ZNF804B: variants seen among roughly 807,000 people sequenced by gnomAD.
ZNF804B encodes zinc finger protein 804B.
Under a neutral mutation model 101.4 loss-of-function variants are expected in ZNF804B, and 80 were observed. That is an observed-to-expected ratio of 0.79 (90% CI 0.66 to 0.95). The LOEUF (loss-of-function observed/expected upper bound fraction) is 0.95. Ranked by LOEUF, ZNF804B falls within the 40% of genes least tolerant of loss-of-function variation. ZNF804B has a pLI of 0.00. For synonymous variants in ZNF804B, 622 were observed against 558.8 expected, an observed-to-expected ratio of 1.11 and a Z score of -1.59; for missense variants, 1,673 against 1,561.9, an observed-to-expected ratio of 1.07 and a Z score of -1.20.
chr7:89,299,433 G>A (rs1392349830), intron 2 of ZNF804B, among the ~76,000 whole-genome samples: 2 of 151,964 alleles, frequency 1.3e-5, no homozygotes, highest in African/African-American at 2.4e-5. Flanking sequence ...TTCTATTGAT[G>A]TTTATAATGA....
chr7:89,004,624 T>G (rs934714880), intron 1 of ZNF804B, among the ~76,000 whole-genome samples: 2 of 151,864 alleles, frequency 1.3e-5, no homozygotes, highest in African/African-American at 4.8e-5. Flanking sequence ...AATTTTTGCT[T>G]CTTTATGCAG....
At chr7:89,112,145 T>C (rs1042948960) in intron 1 of ZNF804B, among the ~76,000 whole-genome samples, 3 of 151,660 alleles carry the variant, frequency 2.0e-5, no homozygotes, top group African/African-American at 7.3e-5. Context: ...AACACTTTTA[T>C]GTCATATACA....
At chr7:89,216,450 A>G (rs753847153) in intron 1 of ZNF804B, among the ~76,000 whole-genome samples, 1 of 152,124 alleles carries the variant, frequency 6.6e-6, no homozygotes, top group Non-Finnish European at 1.5e-5. Flanking sequence ...TCAGCTGGCA[A>G]TTTTCCTAGT....
intron 2 of ZNF804B, 134 bp downstream of exon 2, chr7:89,218,429 A>G (rs1788930306): frequency 1.8e-6 from 2 of 1,100,292 alleles, no homozygotes; most frequent in South Asian, 1.6e-5. Flanking sequence ...TCCCCCCTGG[A>G]AAGGTTGTGT....
intron 1 of ZNF804B, among the ~76,000 whole-genome samples, chr7:89,011,323 G>T (rs768051549): frequency 1.2e-4 from 19 of 152,134 alleles, no homozygotes; most frequent in Non-Finnish European, 1.8e-4. Context: ...GGGACACAGA[G>T]CCAAACCATA....
intron 2 of ZNF804B, among the ~76,000 whole-genome samples, chr7:89,252,500 A>T (rs1195463550): frequency 3.3e-5 from 5 of 152,306 alleles, no homozygotes; most frequent in African/African-American, 1.2e-4. Context: ...TTAAAACAGG[A>T]CTACCATTTG....
intron 1 of ZNF804B, among the ~76,000 whole-genome samples, chr7:88,931,823 T>A (rs867724558): frequency 6.6e-5 from 10 of 151,970 alleles, no homozygotes; most frequent in South Asian, 2.1e-4. Flanking sequence ...ATGTTTTTTT[T>A]AAAAAACTTC....
intron 2 of ZNF804B, among the ~76,000 whole-genome samples, chr7:89,320,076 A>G (rs976100568): frequency 2.0e-5 from 3 of 152,140 alleles, no homozygotes; most frequent in Admixed American, 6.5e-5. Context: ...GAGGGATAGC[A>G]TTAGGGGAAA....
intron 2 of ZNF804B, among the ~76,000 whole-genome samples, chr7:89,278,207 T>A (rs1463908272): frequency 7.0e-6 from 1 of 143,296 alleles, no homozygotes; most frequent in Non-Finnish European, 1.6e-5. Flanking sequence ...GTTTGTTTTT[T>A]TCTTGTAAAT....
chr7:89,046,032 G>T lies in ZNF804B; in HGVS notation c.109-172123G>T, dbSNP rs528601057. 5.3e-5 allele frequency among the ~76,000 whole-genome samples: 8 copies of T among 152,190 alleles called. No homozygotes were observed. In the South Asian group the frequency reaches 1.7e-3, roughly 32 times the overall value. Reference sequence around the variant, plus strand: ...TTTCATGGGATGGACCCCATGGGAGGTAATTGAATCATGGAGACGTTACCC... The same window carrying T: ...TTTCATGGGATGGACCCCATGGGAGTTAATTGAATCATGGAGACGTTACCC... On this transcript the variant is annotated intron_variant, in intron 1 of 3. Transcript: ENST00000333190.
At chr7:88,877,007 A>AAAAT (rs1487886166) in intron 1 of ZNF804B, among the ~76,000 whole-genome samples, 3 of 75,216 alleles carry the variant, frequency 4.0e-5, no homozygotes, top group South Asian at 3.9e-4. Context: ...TGAAAAAAAA[A>AAAAT]ATATATATAT....
At chr7:88,957,601 AT>A (rs1308356312) in intron 1 of ZNF804B, among the ~76,000 whole-genome samples, 3 of 151,382 alleles carry the variant, frequency 2.0e-5, no homozygotes, top group African/African-American at 7.3e-5. Flanking sequence ...ATGAAAGAAG[AT>A]TGTGACTGAA....
At chr7:89,019,028 G>C (rs1236004667) in intron 1 of ZNF804B, among the ~76,000 whole-genome samples, 3 of 151,790 alleles carry the variant, frequency 2.0e-5, no homozygotes, top group African/African-American at 7.3e-5. Context: ...CCAGTTTTCG[G>C]TTTGCTTTAT....
chr7:88,769,949 A>T lies in ZNF804B; in HGVS notation c.108+9865A>T, dbSNP rs184700561. Among the ~76,000 whole-genome samples, 80 of 152,304 alleles carry T rather than the reference A, an allele frequency of 5.3e-4. 2 individuals carry two copies. The East Asian group carries it at 0.015, about 29-fold the overall frequency. On this transcript the variant is annotated intron_variant, in intron 1 of 3. Coordinates refer to ENST00000333190, the MANE Select transcript of ZNF804B (RefSeq NM_181646.5). ...TAAAATATTTAGTCATCTAGGGTAG[A>T]CATACAGAAAGAAAGTAATACTCTT...
intron 1 of ZNF804B, among the ~76,000 whole-genome samples, chr7:89,014,726 T>C (rs1409002016): frequency 6.6e-6 from 1 of 152,228 alleles, no homozygotes; most frequent in Non-Finnish European, 1.5e-5. Flanking sequence ...GTTGAGATGT[T>C]TGATATCCTT....
chr7:89,029,947 T>G (rs1392301194), intron 1 of ZNF804B, among the ~76,000 whole-genome samples: 1 of 152,194 alleles, frequency 6.6e-6, no homozygotes, highest in Non-Finnish European at 1.5e-5. Flanking sequence ...AAAAATCTGA[T>G]ATATAAAGAG....
At chr7:89,215,876 T>G in intron 1 of ZNF804B, among the ~76,000 whole-genome samples, 1 of 109,672 alleles carries the variant, frequency 9.1e-6, no homozygotes, top group Non-Finnish European at 2.0e-5. Context: ...AGAGAGAGAC[T>G]CCGTCTCTAA....
chr7:88,778,621 G>A (rs1247027508), intron 1 of ZNF804B, among the ~76,000 whole-genome samples: 1 of 152,110 alleles, frequency 6.6e-6, no homozygotes, highest in Non-Finnish European at 1.5e-5. Context: ...TAGCAGCCTA[G>A]GCTTGAAGCT....
intron 1 of ZNF804B, among the ~76,000 whole-genome samples, chr7:88,793,239 G>A (rs556744932): frequency 7.0e-4 from 107 of 152,110 alleles, no homozygotes; most frequent in African/African-American, 2.5e-3. Context: ...GATAAAAGAA[G>A]GGATCAACTT....
Sources: gnomAD v4.1 joint callset for allele counts (sites outside exome capture counted in the v4.1 genomes callset) on GRCh38, gnomAD v4.1.1 for gene constraint, MANE v1.5 for transcripts, NCBI Gene and HGNC (gene_info 2026-07-23, HGNC 2026-07-21) for gene names.